Variants in LRP12 observed in about 807,000 individuals in gnomAD.
LRP12 encodes LDL receptor related protein 12, also known as low-density lipoprotein receptor-related protein 12.
A neutral mutation model predicts 66.0 loss-of-function variants in LRP12; 14 were observed. The observed-to-expected ratio is 0.21, with a 90% CI of 0.14 to 0.33. The LOEUF (loss-of-function observed/expected upper bound fraction) is 0.33, where lower values mean the gene tolerates loss of function less well. Ranked by LOEUF, LRP12 falls within the 10% of genes least tolerant of loss-of-function variation. The probability of loss-of-function intolerance (pLI) is 1.00; values close to 1 mark genes in which losing one functional copy is unlikely to be tolerated. For synonymous variants in LRP12, 357 were observed against 359.1 expected (o/e 0.99, Z 0.07); for missense variants, 889 against 1,053.4 (o/e 0.84, Z 2.16).
At chr8:104,551,845 C>T (rs1423936371) in intron 1 of LRP12, among the ~76,000 whole-genome samples, 3 of 152,176 alleles carry the variant, frequency 2.0e-5, no homozygotes, top group Non-Finnish European at 4.4e-5. Context: ...TTTCTCCCTG[C>T]CTTGCTATTC....
At chr8:104,523,181 C>T (rs1811176866) in intron 2 of LRP12, among the ~76,000 whole-genome samples, 1 of 151,934 alleles carries the variant, frequency 6.6e-6, no homozygotes, top group Non-Finnish European at 1.5e-5. Flanking sequence ...CCAACAAATA[C>T]ATTGGAAAAT....
intron 2 of LRP12, among the ~76,000 whole-genome samples, chr8:104,524,210 C>A (rs1049298612): frequency 6.9e-6 from 1 of 144,472 alleles, no homozygotes; most frequent in East Asian, 2.0e-4. Context: ...CCGCTGCACT[C>A]CAGCCTGGGT....
At chr8:104,540,136 TATA>T (rs1162833084) in intron 1 of LRP12, among the ~76,000 whole-genome samples, 1 of 151,194 alleles carries the variant, frequency 6.6e-6, no homozygotes. Flanking sequence ...GGTGTCCTCT[TATA>T]AGAAGAGGAG....
chr8:104,498,058 T>C lies in LRP12; in HGVS notation c.494A>G (p.Asn165Ser), dbSNP rs1394473693. 6.3e-7 allele frequency: 1 copy of C among 1,595,250 alleles called. No homozygotes were observed. The highest frequency in any genetic ancestry group is 1.7e-5 in the Admixed American group (1 of 58,074). Reference protein sequence around the residue: ...AYFSGKSEEPNCACDQFRCGN... With the variant: ...AYFSGKSEEPSCACDQFRCGN... ...ACAACGAAACTGATCACAAGCACAATTTGGTTCCTCAGATTTCCCTGTGAA... is the reference window on the plus strand; with the variant it reads ...ACAACGAAACTGATCACAAGCACAACTTGGTTCCTCAGATTTCCCTGTGAA... Residue 165 changes from asparagine to serine, a missense_variant, in exon 5 of 7, where the codon AAT (asparagine) becomes AGT (serine). Around this residue, in one of 3 missense-constraint regions of LRP12, gnomAD observed 800 missense variants for 964.5 expected, o/e 0.83. Coordinates refer to ENST00000276654, the MANE Select transcript of LRP12 (RefSeq NM_013437.5).
In LRP12 at chr8:104,497,289, G is replaced by A; in HGVS notation, c.1263C>T (p.Ser421=). ...TMCQKEEFPC[S]RNGVCYPRSD... ...AACGAGGATAACAGACACCATTTCG[G>A]GAACATGGAAATTCTTCCTTCTGGC... Residue 421 remains serine, a synonymous_variant, in exon 5 of 7, where the codon TCC becomes TCT. Coordinates refer to ENST00000276654, the MANE Select transcript of LRP12 (RefSeq NM_013437.5). This position sits in a 1 kb window ranked among gnomAD's most constrained non-coding sequence, Gnocchi z 4.3. 1 of 1,614,086 alleles carries A rather than the reference G, an allele frequency of 6.2e-7. No homozygotes were observed. Among genetic ancestry groups the A allele is most frequent in the Non-Finnish European group, 8.5e-7 (1 of 1,180,010 alleles).
At chr8:104,498,456 G>A (rs1231289168) in intron 4 of LRP12, among the ~76,000 whole-genome samples, 1 of 130,572 alleles carries the variant, frequency 7.7e-6, no homozygotes, top group Non-Finnish European at 1.6e-5. Context: ...CCACTTATAA[G>A]TGAGAACATG....
rs1564142503 is a variant in LRP12, at chr8:104,548,619, T to TTG, written c.80-16657_80-16656insCA. The stretch of plus-strand genomic sequence containing the variant: ...ATATAGAATTATATAATTAAATTAA[T>TTG]TATATAATTATTATATAATTAAATT... On this transcript the variant is annotated intron_variant, in intron 1 of 6. Transcript: ENST00000276654. 9.9e-4 allele frequency among the ~76,000 whole-genome samples: 114 copies of TTG among 114,652 alleles called. 7 individuals carry two copies. Among genetic ancestry groups the TTG allele is most frequent in the African/African-American group, 4.2e-3 (105 of 24,828 alleles). 75.2% of individuals were successfully genotyped at this position (114,652 alleles called of 152,430 possible).
At chr8:104,542,912 A>C (rs1338114427) in intron 1 of LRP12, among the ~76,000 whole-genome samples, 1 of 151,808 alleles carries the variant, frequency 6.6e-6, no homozygotes, top group Non-Finnish European at 1.5e-5. Flanking sequence ...TTTGTCTTGC[A>C]GTCTCAAGAG....
intron 1 of LRP12, among the ~76,000 whole-genome samples, chr8:104,570,352 T>C (rs897812013): frequency 1.6e-4 from 25 of 152,280 alleles, no homozygotes; most frequent in Non-Finnish European, 2.8e-4. Flanking sequence ...ACTGAAAGGA[T>C]TGCATACGCT....
intron 1 of LRP12, among the ~76,000 whole-genome samples, chr8:104,577,485 T>C (rs528673396): frequency 6.6e-6 from 1 of 152,104 alleles, no homozygotes; most frequent in East Asian, 1.9e-4. Context: ...GACTTTTGGG[T>C]AAATAATAAA....
intron 4 of LRP12, 103 bp from the exon 5 acceptor site, chr8:104,498,179 A>G: frequency 8.7e-7 from 1 of 1,151,142 alleles, no homozygotes; most frequent in Non-Finnish European, 1.2e-6. Context: ...AATGTTCATA[A>G]AGCCCAAGTG....
At chr8:104,543,022 TAC>T (rs1464149562) in intron 1 of LRP12, among the ~76,000 whole-genome samples, 1 of 150,020 alleles carries the variant, frequency 6.7e-6, no homozygotes, top group Admixed American at 6.6e-5. Flanking sequence ...TAAATATATA[TAC>T]ACACACACAT....
At chr8:104,554,217 C>A (rs942580053) in intron 1 of LRP12, among the ~76,000 whole-genome samples, 7 of 152,254 alleles carry the variant, frequency 4.6e-5, no homozygotes, top group Non-Finnish European at 7.4e-5. Context: ...AAACAAAGTT[C>A]TTTAACACCC....
chr8:104,579,663 T>A (rs1812215665), intron 1 of LRP12, among the ~76,000 whole-genome samples: 1 of 152,194 alleles, frequency 6.6e-6, no homozygotes, highest in Non-Finnish European at 1.5e-5. Context: ...GAAATCATGC[T>A]ACCCAACTTC....
In LRP12 at chr8:104,497,910, G is replaced by A; in HGVS notation, c.642C>T (p.Pro214=). 1 of 1,614,182 alleles carries A rather than the reference G, an allele frequency of 6.2e-7. No homozygotes were observed. Among genetic ancestry groups the A allele is most frequent in the South Asian group, 1.1e-5 (1 of 91,088 alleles). The change falls in exon 5 of 7, where the codon CCC becomes CCT. Residue 214 remains proline, a synonymous_variant. Transcript: ENST00000276654. The surrounding 1 kb of genome is among the most constrained non-coding windows in gnomAD (Gnocchi z 4.3). ...ANPPTAAAFQ[P]CAYNQFQCLS... The stretch of plus-strand genomic sequence containing the variant: ...AACACTGGAACTGGTTGTAAGCACA[G>A]GGTTGAAAAGCAGCAGCAGTTGGAG...
chr8:104,501,623 G>A (rs1359598922), intron 3 of LRP12, among the ~76,000 whole-genome samples: 1 of 151,270 alleles, frequency 6.6e-6, no homozygotes, highest in Non-Finnish European at 1.5e-5. Context: ...AGAACTGCTT[G>A]AACTTGGGAG....
rs186148941 is a variant in LRP12 at position 104,494,906 on chromosome 8, T to C, written c.1713+171A>G. Among the ~76,000 whole-genome samples the C allele has an allele frequency of 5.9e-5, 9 of 152,338 alleles. No individual in the cohort carries two copies. The East Asian group carries it at 1.5e-3, about 26-fold the overall frequency. On this transcript the variant is annotated intron_variant, in intron 6 of 6. Transcript: ENST00000276654. ...AATCAGAGGAATGAAAAATATACTT[T>C]TGCAGTTTGTAGTGTTAAACTATAA...
At chr8:104,575,180 G>C (rs555362715) in intron 1 of LRP12, among the ~76,000 whole-genome samples, 6 of 152,284 alleles carry the variant, frequency 3.9e-5, no homozygotes, top group East Asian at 1.9e-4. Context: ...GATCATTCCT[G>C]CTTGCAGGGC....
At chr8:104,534,061 A>G (rs1293383488) in intron 1 of LRP12, among the ~76,000 whole-genome samples, 2 of 109,514 alleles carry the variant, frequency 1.8e-5, no homozygotes, top group African/African-American at 3.7e-5. Context: ...GAAATTCTTT[A>G]TAATAGCAAA....
Sources: allele counts gnomAD v4.1 joint callset (sites outside exome capture counted in the v4.1 genomes callset), GRCh38; gene constraint gnomAD v4.1.1; regional missense constraint gnomAD v4.1.1; non-coding constraint Gnocchi (gnomAD v3.1); transcripts MANE v1.5; gene names NCBI Gene and HGNC (gene_info 2026-07-23, HGNC 2026-07-21).